Variants in FGF12 observed in about 807,000 individuals in gnomAD.
FGF12 encodes the protein fibroblast growth factor 12B.
In FGF12, 14 loss-of-function variants were observed where a neutral mutation model predicts 23.6. That is an observed-to-expected ratio of 0.59 (90% CI 0.39 to 0.93). The LOEUF (loss-of-function observed/expected upper bound fraction) is 0.93, where lower values mean the gene tolerates loss of function less well. Ranked by LOEUF, FGF12 falls within the 40% of genes least tolerant of loss-of-function variation. FGF12 has a pLI of 0.00. For synonymous variants in FGF12, 62 were observed against 77.3 expected (o/e 0.80, Z 1.04); for missense variants, 175 against 217.8 (o/e 0.80, Z 1.24).
At chr3:192,190,468 CTTTT>C (rs34108891) in intron 4 of FGF12, among the ~76,000 whole-genome samples, 6 of 89,136 alleles carry the variant, frequency 6.7e-5, no homozygotes, top group Non-Finnish European at 1.2e-4. Context: ...GCCCAATACT[CTTTT>C]TTTTTTTTTT....
intron 2 of FGF12, among the ~76,000 whole-genome samples, chr3:192,674,632 T>G (rs541420521): frequency 6.6e-6 from 1 of 152,242 alleles, no homozygotes; most frequent in African/African-American, 2.4e-5. Context: ...ATACATGCAG[T>G]TAGATGAATA....
chr3:192,495,887 T>C (rs954057375), intron 2 of FGF12, among the ~76,000 whole-genome samples: 2 of 152,054 alleles, frequency 1.3e-5, no homozygotes, highest in African/African-American at 4.8e-5. Flanking sequence ...CATCTCGAAC[T>C]CCTGGGCTCC....
At chr3:192,333,402 A>C (rs76702468) in intron 4 of FGF12, among the ~76,000 whole-genome samples, 5,672 of 152,226 alleles carry the variant, frequency 0.037, 207 homozygotes, top group South Asian at 0.17. Flanking sequence ...GAAATATTCA[A>C]AATAACATCC....
In FGF12 at chr3:192,336,719, A is replaced by G. The variant is rs1717434944; in HGVS notation, c.125-1255T>C. On this transcript the variant is annotated intron_variant, in intron 3 of 5. Coordinates refer to ENST00000445105, the MANE Select transcript of FGF12 (RefSeq NM_004113.6). The surrounding 1 kb of genome is among the most constrained non-coding windows in gnomAD (Gnocchi z 4.3). ...ATACAAGATACACATAAATTAACCC[A>G]AGGGCTACCATTATTTAGGGATGCC... is the stretch of plus-strand genomic sequence containing the variant. Among the ~76,000 whole-genome samples, 1 of 152,126 alleles carries G rather than the reference A, an allele frequency of 6.6e-6. No homozygotes were observed. Among genetic ancestry groups the G allele is most frequent in the Non-Finnish European group, 1.5e-5 (1 of 67,994 alleles).
intron 4 of FGF12, among the ~76,000 whole-genome samples, chr3:192,223,824 A>C (rs1461992716): frequency 2.0e-5 from 3 of 152,146 alleles, no homozygotes; most frequent in African/African-American, 7.2e-5. Flanking sequence ...TAAACAATAT[A>C]ATGATATTAT....
rs753894539 is a variant in FGF12, at chr3:192,594,164, C to T, written c.13+133017G>A. Among the ~76,000 whole-genome samples, 73 of 151,944 alleles carry T rather than the reference C, an allele frequency of 4.8e-4. 1 individual carries two copies. The highest frequency in any genetic ancestry group is 2.0e-3 in the Admixed American group (30 of 15,240). On this transcript the variant is annotated intron_variant, in intron 2 of 5. Transcript: ENST00000445105. ...GATAACAGGCTTTGATAGTGAAACA[C>T]GGGGTGCATAACTGGACACAATGGA...
At chr3:192,277,656 T>C (rs752676935) in intron 4 of FGF12, among the ~76,000 whole-genome samples, 4 of 152,322 alleles carry the variant, frequency 2.6e-5, no homozygotes, top group Non-Finnish European at 4.4e-5. Flanking sequence ...ACAGTGAACA[T>C]TCTTTCCTCC....
intron 2 of FGF12, among the ~76,000 whole-genome samples, chr3:192,610,220 C>T (rs1714499821): frequency 1.3e-5 from 2 of 152,034 alleles, no homozygotes; most frequent in Admixed American, 6.6e-5. Context: ...CAGAAATCTC[C>T]TCTTCAGATT....
intron 2 of FGF12, among the ~76,000 whole-genome samples, chr3:192,448,920 C>T (rs986090401): frequency 2.0e-5 from 3 of 152,194 alleles, no homozygotes; most frequent in Non-Finnish European, 4.4e-5. Context: ...AGCAGACTTG[C>T]TGCAGCAGAA....
At chr3:192,663,753 A>T (rs1716755722) in intron 2 of FGF12, among the ~76,000 whole-genome samples, 1 of 152,102 alleles carries the variant, frequency 6.6e-6, no homozygotes, top group Non-Finnish European at 1.5e-5. Flanking sequence ...TTCCAGCTGC[A>T]ATCAATATAT....
chr3:192,319,697 G>C (rs74732557), intron 4 of FGF12, among the ~76,000 whole-genome samples: 1 of 152,054 alleles, frequency 6.6e-6, no homozygotes, highest in Admixed American at 6.6e-5. Context: ...TAAAGGCAAG[G>C]GGATGAATCT....
chr3:192,484,315 TAAAAAAAAAAAAAA>T (rs57914760), intron 2 of FGF12, among the ~76,000 whole-genome samples: 1 of 99,668 alleles, frequency 1.0e-5, no homozygotes, highest in Non-Finnish European at 2.3e-5. Context: ...TCCATTTTCC[TAAAAAAAAAAAAAA>T]AAAAAAAAAG....
intron 4 of FGF12, among the ~76,000 whole-genome samples, chr3:192,207,255 T>C (rs1275959112): frequency 6.6e-6 from 1 of 152,236 alleles, no homozygotes; most frequent in African/African-American, 2.4e-5. Flanking sequence ...ATCCAAATGT[T>C]ATCAACCTTC....
chr3:192,571,918 A>G (rs1712652069), intron 2 of FGF12, among the ~76,000 whole-genome samples: 1 of 149,724 alleles, frequency 6.7e-6, no homozygotes, highest in Non-Finnish European at 1.5e-5. Flanking sequence ...GAGGGTCCAT[A>G]TAGTGGTCCT....
chr3:192,686,486 T>C (rs750993620), intron 2 of FGF12, among the ~76,000 whole-genome samples: 1 of 152,162 alleles, frequency 6.6e-6, no homozygotes, highest in Non-Finnish European at 1.5e-5. Context: ...ACCGACCTCA[T>C]GCCCCGGTTG....
intron 2 of FGF12, among the ~76,000 whole-genome samples, chr3:192,402,562 G>A (rs921731656): frequency 1.3e-5 from 2 of 152,184 alleles, no homozygotes; most frequent in Non-Finnish European, 2.9e-5. Context: ...GGAGATAAAA[G>A]CAGATTATCT....
intron 2 of FGF12, among the ~76,000 whole-genome samples, chr3:192,690,945 C>A (rs1717924584): frequency 6.6e-6 from 1 of 151,900 alleles, no homozygotes; most frequent in African/African-American, 2.4e-5. Flanking sequence ...CAAATAAGGT[C>A]ATTATATAAT....
chr3:192,156,066 TC>T (rs1714398313), intron 5 of FGF12, among the ~76,000 whole-genome samples: 1 of 152,218 alleles, frequency 6.6e-6, no homozygotes, highest in African/African-American at 2.4e-5. Context: ...TTTTTTTAAA[TC>T]TCTTTTTTTT....
chr3:192,263,704 G>C (rs897846687), intron 4 of FGF12, among the ~76,000 whole-genome samples: 2 of 151,956 alleles, frequency 1.3e-5, no homozygotes, highest in Non-Finnish European at 2.9e-5. Flanking sequence ...TATCATGCTG[G>C]CTATGCTGGA....
Sources: gnomAD v4.1 joint callset for allele counts (sites outside exome capture counted in the v4.1 genomes callset) on GRCh38, gnomAD v4.1.1 for gene constraint, Gnocchi (gnomAD v3.1) non-coding constraint, MANE v1.5 for transcripts, NCBI Gene and HGNC (gene_info 2026-07-23, HGNC 2026-07-21) for gene names.